Variants in DACH1 observed in about 807,000 individuals in gnomAD.
The protein encoded by DACH1 is dachshund homolog 1.
Under a neutral mutation model 54.2 loss-of-function variants are expected in DACH1, and 12 were observed. The observed-to-expected ratio is 0.22, with a 90% CI of 0.14 to 0.36. The LOEUF (loss-of-function observed/expected upper bound fraction) is 0.36, where lower values mean the gene tolerates loss of function less well. DACH1 is among the 10% of genes least tolerant of loss of function. The probability of loss-of-function intolerance (pLI) is 1.00; values close to 1 mark genes in which losing one functional copy is unlikely to be tolerated. For missense variants in DACH1, 805 were observed against 929.8 expected, an observed-to-expected ratio of 0.87 and a Z score of 1.75; for synonymous variants, 386 against 366.2, an observed-to-expected ratio of 1.05 and a Z score of -0.62.
At chr13:71,747,252 C>G (rs1884637648) in intron 1 of DACH1, among the ~76,000 whole-genome samples, 1 of 151,628 alleles carries the variant, frequency 6.6e-6, no homozygotes, top group Admixed American at 6.6e-5. Flanking sequence ...AGTCCACACA[C>G]TGTACAGAAT....
intron 6 of DACH1, among the ~76,000 whole-genome samples, chr13:71,498,366 G>A (rs1348725264): frequency 6.6e-6 from 1 of 152,260 alleles, no homozygotes; most frequent in Non-Finnish European, 1.5e-5. Context: ...GAGGAATACA[G>A]ACTGCAAAAA....
At chr13:71,743,452 C>T (rs1352825339) in intron 1 of DACH1, among the ~76,000 whole-genome samples, 1 of 152,208 alleles carries the variant, frequency 6.6e-6, no homozygotes, top group African/African-American at 2.4e-5. Flanking sequence ...AGACAAGGAG[C>T]CACACACTTT....
chr13:71,823,345 C>T (rs1232492538), intron 1 of DACH1, among the ~76,000 whole-genome samples: 1 of 152,034 alleles, frequency 6.6e-6, no homozygotes. Flanking sequence ...TTAGCTAAAC[C>T]TCCTGTTTCT....
intron 3 of DACH1, among the ~76,000 whole-genome samples, chr13:71,595,464 G>T (rs2138474609): frequency 6.6e-6 from 1 of 152,094 alleles, no homozygotes; most frequent in East Asian, 1.9e-4. Context: ...TGAGTTCTGA[G>T]ACTTTCACGA....
At chr13:71,674,950 A>T in intron 2 of DACH1, 3 of 658,148 alleles carry the variant, frequency 4.6e-6, no homozygotes, top group Non-Finnish European at 8.2e-6. Flanking sequence ...AAACACATAC[A>T]AACGGTGTTC....
intron 1 of DACH1, among the ~76,000 whole-genome samples, chr13:71,842,278 T>C (rs1005808812): frequency 6.6e-6 from 1 of 152,116 alleles, no homozygotes; most frequent in Non-Finnish European, 1.5e-5. Flanking sequence ...GAAAACGCTT[T>C]ATAGTGCAAA....
At chr13:71,582,374 G>A (rs1019627658) in intron 3 of DACH1, among the ~76,000 whole-genome samples, 1 of 151,928 alleles carries the variant, frequency 6.6e-6, no homozygotes, top group Admixed American at 6.6e-5. Flanking sequence ...ACATATCTTA[G>A]GCCCTCAATT....
chr13:71,746,993 GTAACACATATGTAT>G (rs1884627389), intron 1 of DACH1, among the ~76,000 whole-genome samples: 1 of 151,884 alleles, frequency 6.6e-6, no homozygotes, highest in Non-Finnish European at 1.5e-5. Flanking sequence ...TAATCTTGTA[GTAACACATATGTAT>G]TAACACATAT....
chr13:71,655,162 T>C (rs1879003643), intron 2 of DACH1, among the ~76,000 whole-genome samples: 1 of 152,156 alleles, frequency 6.6e-6, no homozygotes, highest in Admixed American at 6.5e-5. Context: ...TGATTAGAAC[T>C]TCAGAACTTT....
intron 6 of DACH1, among the ~76,000 whole-genome samples, chr13:71,555,856 G>T (rs1364004414): frequency 6.6e-6 from 1 of 150,410 alleles, no homozygotes; most frequent in Admixed American, 6.6e-5. Flanking sequence ...TTGATATCAA[G>T]TTTCACAATA....
In DACH1 at chr13:71,648,875, C is replaced by T. The variant is rs1878483799; in HGVS notation, c.965-18158G>A. On this transcript the variant is annotated intron_variant, in intron 2 of 10. Coordinates refer to ENST00000613252, the MANE Select transcript of DACH1 (RefSeq NM_080759.6). ...TGCCATTTATGCGTTAGAAGCCTCA[C>T]TACTGAAGGAGATGCCACTACTTGT... Among the ~76,000 whole-genome samples, 3 of 152,120 alleles carry T rather than the reference C, an allele frequency of 2.0e-5. No individual in the cohort carries two copies. The South Asian group carries it at 6.2e-4, about 32-fold the overall frequency.
At chr13:71,736,327 C>T (rs957651268) in intron 1 of DACH1, among the ~76,000 whole-genome samples, 1 of 152,100 alleles carries the variant, frequency 6.6e-6, no homozygotes, top group African/African-American at 2.4e-5. Context: ...GGACTTTTTA[C>T]GTATACTGCA....
intron 2 of DACH1, among the ~76,000 whole-genome samples, chr13:71,663,582 T>C (rs1411652258): frequency 1.3e-5 from 2 of 151,916 alleles, no homozygotes; most frequent in East Asian, 3.9e-4. Context: ...GCTCAGAAAT[T>C]TAAAGGAATT....
chr13:71,635,924 G>GCAAACAC (rs1457298457), intron 2 of DACH1, among the ~76,000 whole-genome samples: 2 of 152,026 alleles, frequency 1.3e-5, no homozygotes, highest in African/African-American at 4.8e-5. Flanking sequence ...GGGATTATAG[G>GCAAACAC]CAAACACCAC....
chr13:71,479,556 T>A (rs968659244), intron 7 of DACH1, among the ~76,000 whole-genome samples: 7 of 152,132 alleles, frequency 4.6e-5, no homozygotes, highest in Admixed American at 2.6e-4. Context: ...AATTAGAATA[T>A]CTAGATCCAA....
chr13:71,820,139 C>T (rs941270497), intron 1 of DACH1, among the ~76,000 whole-genome samples: 1 of 133,900 alleles, frequency 7.5e-6, no homozygotes, highest in South Asian at 2.5e-4. Flanking sequence ...GAATAGGGGC[C>T]GAAATTAATC....
intron 2 of DACH1, among the ~76,000 whole-genome samples, chr13:71,651,383 A>G (rs1034151213): frequency 3.3e-5 from 5 of 149,796 alleles, no homozygotes; most frequent in Non-Finnish European, 7.5e-5. Context: ...AAAAAAAAAG[A>G]AAGAAAGAAA....
chr13:71,516,580 G>C (rs545877403), intron 6 of DACH1, among the ~76,000 whole-genome samples: 2 of 151,784 alleles, frequency 1.3e-5, no homozygotes, highest in South Asian at 4.1e-4. Context: ...TTTAGAAAAA[G>C]AAGATGGTAT....
chr13:71,859,309 C>T (rs1255485728), intron 1 of DACH1, among the ~76,000 whole-genome samples: 1 of 151,656 alleles, frequency 6.6e-6, no homozygotes, highest in Non-Finnish European at 1.5e-5. Context: ...ATGCTTTTCT[C>T]TTATAAAGGA....
Sources: allele counts gnomAD v4.1 joint callset (sites outside exome capture counted in the v4.1 genomes callset), GRCh38; gene constraint gnomAD v4.1.1; transcripts MANE v1.5; gene names NCBI Gene and HGNC (gene_info 2026-07-23, HGNC 2026-07-21).